The following VSIG8 variants were observed in gnomAD, a reference collection of about 807,000 sequenced individuals.
VSIG8 encodes V-set and immunoglobulin domain containing 8.
Under a neutral mutation model 42.6 loss-of-function variants are expected in VSIG8, and 32 were observed. The ratio of observed to expected loss-of-function variants is 0.75; its 90% CI spans 0.57 to 1.01. The LOEUF (loss-of-function observed/expected upper bound fraction) is 1.01. VSIG8 is among the 50% of genes least tolerant of loss of function. The pLI, the probability that VSIG8 is intolerant of heterozygous loss-of-function variation, is 0.00. For synonymous variants in VSIG8, 290 were observed against 243.8 expected, an observed-to-expected ratio of 1.19 and a Z score of -1.77; for missense variants, 529 against 558.0, an observed-to-expected ratio of 0.95 and a Z score of 0.52.
At chr1:159,858,439 T>A in intron 2 of VSIG8, 148 bp from the exon 3 acceptor site, 1 of 871,914 alleles carries the variant, frequency 1.1e-6, no homozygotes, top group Non-Finnish European at 1.8e-6. Context: ...GCCACTGACC[T>A]CTTACAGAAC....
At chr1:159,858,999 C>A in intron 1 of VSIG8, 87 bp from the exon 2 acceptor site, 1 of 1,415,026 alleles carries the variant, frequency 7.1e-7, no homozygotes, top group South Asian at 1.4e-5. Flanking sequence ...TTCATATTCT[C>A]TGTCCACGGC....
intron 4 of VSIG8, among the ~76,000 whole-genome samples, 171 bp from the exon 5 acceptor site, chr1:159,856,814 TC>T (rs1314466746): frequency 1.3e-5 from 2 of 151,764 alleles, no homozygotes. Flanking sequence ...TGAGTCACCT[TC>T]CCCCTGCTGT....
At position 159,858,831 on chromosome 1, in the gene VSIG8, C is replaced by T. The variant is rs1270438892; in HGVS notation, c.131G>A (p.Cys44Tyr). Reference sequence around the variant, plus strand: ...GTCCTCAGGGTCCAGGACGTAGGGGCAGCCCAGCCTCACATTATCACCTTC... The same window carrying T: ...GTCCTCAGGGTCCAGGACGTAGGGGTAGCCCAGCCTCACATTATCACCTTC... ...LAEGDNVRLG[C>Y]PYVLDPEDYG... is the part of the protein sequence containing the mutation. Residue 44 changes from cysteine (C) to tyrosine (Y), a missense_variant, in exon 2 of 7, where the codon TGC becomes TAC. Coordinates refer to ENST00000368100, the MANE Select transcript of VSIG8 (RefSeq NM_001013661.1). The T allele has an allele frequency of 6.2e-7, 1 of 1,614,110 alleles. No homozygotes were observed. Among genetic ancestry groups the T allele is most frequent in the Admixed American group, 1.7e-5 (1 of 60,024 alleles).
At position 159,855,039 on chromosome 1, in the gene VSIG8, A is replaced by T; in HGVS notation, c.972-13T>A. On this transcript the variant is annotated splice_polypyrimidine_tract_variant and intron_variant, in intron 6 of 6. Transcript: ENST00000368100. ...CACGGCGTCCTCTCTGTGGAAAACA[A>T]CAGGCGGGCGGGTGAGCGGGCTGCT... The T allele has an allele frequency of 6.3e-7, 1 of 1,575,602 alleles. No homozygotes were observed.
chr1:159,855,030 T>C lies in VSIG8; in HGVS notation c.972-4A>G, dbSNP rs777101797. 43 of 1,576,570 alleles carry C rather than the reference T, an allele frequency of 2.7e-5. No homozygotes were observed. Among genetic ancestry groups the C allele is most frequent in the Admixed American group, 1.8e-5 (1 of 55,762 alleles). On this transcript the variant is annotated splice_polypyrimidine_tract_variant and splice_region_variant and intron_variant, in intron 6 of 6. Coordinates refer to ENST00000368100, the MANE Select transcript of VSIG8 (RefSeq NM_001013661.1). The stretch of plus-strand genomic sequence containing the variant: ...CCCGGGCGCCACGGCGTCCTCTCTG[T>C]GGAAAACAACAGGCGGGCGGGTGAG...
At chr1:159,855,148 T>C in intron 6 of VSIG8, 122 bp from the exon 7 acceptor site, 1 of 1,551,648 alleles carries the variant, frequency 6.4e-7, no homozygotes, top group Non-Finnish European at 8.7e-7. Context: ...CCACCTGCCC[T>C]CGTCTCTCTC....
chr1:159,859,755 G>T (rs1433916287), intron 1 of VSIG8, among the ~76,000 whole-genome samples: 1 of 152,142 alleles, frequency 6.6e-6, no homozygotes, highest in Non-Finnish European at 1.5e-5. Context: ...CGTACTGTGT[G>T]TGCTTCCTCT....
At chr1:159,860,182 A>T (rs918081226) in intron 1 of VSIG8, among the ~76,000 whole-genome samples, 1 of 152,056 alleles carries the variant, frequency 6.6e-6, no homozygotes, top group Non-Finnish European at 1.5e-5. Context: ...ACACATAGAG[A>T]TCTCACACAT....
In VSIG8 at chr1:159,862,612, C is replaced by G; in HGVS notation, c.-91G>C. Reference sequence around the variant, plus strand: ...AGGGGGTAGGTGGAGGGAGGGGGAGCTGAGGGCCCAGACACTGCCTGGGGT... The same window carrying G: ...AGGGGGTAGGTGGAGGGAGGGGGAGGTGAGGGCCCAGACACTGCCTGGGGT... On this transcript the variant is annotated 5_prime_UTR_variant, in exon 1 of 7. Transcript: ENST00000368100. The G allele has an allele frequency of 8.1e-7, 1 of 1,228,882 alleles. No homozygotes were observed. Among genetic ancestry groups the G allele is most frequent in the Non-Finnish European group, 1.2e-6 (1 of 858,934 alleles). 76.1% of individuals were successfully genotyped at this position (1,228,882 alleles called of 1,614,324 possible).
At chr1:159,855,105 C>T in intron 6 of VSIG8, 79 bp from the exon 7 acceptor site, 1 of 1,552,536 alleles carries the variant, frequency 6.4e-7, no homozygotes, top group Non-Finnish European at 8.7e-7. Context: ...GAGCCGGGGG[C>T]TCTTGGCAAC....
rs769081898 is a variant in VSIG8 at position 159,854,906 on chromosome 1, G to C, written c.1092C>G (p.Pro364=). Residue 364 remains proline, a synonymous_variant, in exon 7 of 7, where the codon CCC becomes CCG. Transcript: ENST00000368100. ...RSLRRKYAPP[P]CGGPEDVALA... ...GGGCCACGTCCTCGGGGCCGCCGCA[G>C]GGGGGAGGCGCGTACTTGCGGCGCA... 1 of 1,486,556 alleles carries C rather than the reference G, an allele frequency of 6.7e-7. No individual in the cohort carries two copies. The highest frequency in any genetic ancestry group is 1.5e-5 in the African/African-American group (1 of 68,398). 92.1% of individuals were successfully genotyped at this position (1,486,556 alleles called of 1,614,324 possible).
At position 159,857,774 on chromosome 1, in the gene VSIG8, T is replaced by C. The variant is rs372070298; in HGVS notation, c.623A>G (p.Gln208Arg). Residue 208 changes from glutamine (Q) to arginine (R), a missense_variant, in exon 4 of 7, where the codon CAG becomes CGG. Transcript: ENST00000368100. Reference protein sequence around the residue: ...QHSYHSELSYQESFHSSINQG... With the variant: ...QHSYHSELSYRESFHSSINQG... Reference sequence around the variant, plus strand: ...GTTTATGGAGCTGTGGAAGGACTCCTGGTAGGACAGCTCTGAGTGGTAGCT... The same window carrying C: ...GTTTATGGAGCTGTGGAAGGACTCCCGGTAGGACAGCTCTGAGTGGTAGCT... 3.1e-6 allele frequency: 5 copies of C among 1,614,128 alleles called. No homozygotes were observed. The highest frequency in any genetic ancestry group is 4.2e-6 in the Non-Finnish European group (5 of 1,180,002).
rs1571163743 is a variant in VSIG8, at chr1:159,854,444, A to C, written c.*309T>G. 4.7e-5 allele frequency: 15 copies of C among 317,808 alleles called. No individual in the cohort carries two copies. Among genetic ancestry groups the C allele is most frequent in the East Asian group, 2.2e-4 (3 of 13,420 alleles). 19.7% of individuals were successfully genotyped at this position (317,808 alleles called of 1,614,324 possible). On this transcript the variant is annotated 3_prime_UTR_variant, in exon 7 of 7. Coordinates refer to ENST00000368100, the MANE Select transcript of VSIG8 (RefSeq NM_001013661.1). ...GGGGCCCTCTGCTTAGGCTGGGGAC[A>C]CCAGGCCTCCGGCCTCAGCCGCTCT...
At position 159,858,722 on chromosome 1, in the gene VSIG8, C is replaced by T; in HGVS notation, c.228+12G>A. ...AGCCTAGAGGAAGGAGACCCCTGTG[C>T]CCAGCACTCACCACGTTCTCTCGGT... On this transcript the variant is annotated intron_variant, in intron 2 of 6. Coordinates refer to ENST00000368100, the MANE Select transcript of VSIG8 (RefSeq NM_001013661.1). 1.2e-6 allele frequency: 2 copies of T among 1,604,402 alleles called. No homozygotes were observed. Among genetic ancestry groups the T allele is most frequent in the Non-Finnish European group, 1.7e-6 (2 of 1,175,476 alleles).
intron 1 of VSIG8, 54 bp downstream of exon 1, chr1:159,862,419 T>C: frequency 1.3e-6 from 2 of 1,555,376 alleles, no homozygotes; most frequent in Admixed American, 1.9e-5. Context: ...TGCTGCCCCT[T>C]TCCTTCCCAC....
rs1158524284 is a variant in VSIG8, at chr1:159,856,061, T to A, written c.793A>T (p.Ile265Phe). The A allele has an allele frequency of 6.2e-7, 1 of 1,612,226 alleles. No homozygotes were observed. Among genetic ancestry groups the A allele is most frequent in the Admixed American group, 1.7e-5 (1 of 59,932 alleles). The change falls in exon 6 of 7, where the codon ATC (isoleucine) becomes TTC (phenylalanine). Residue 265 changes from isoleucine to phenylalanine, a missense_variant. Ile to Phe is a conservative substitution (Grantham distance 21). Transcript: ENST00000368100. The part of the protein sequence containing the change: ...KVSDSRRIGV[I>F]IGIVLGSLLA... The stretch of plus-strand genomic sequence containing the variant: ...AGAGAGCCCAGGACGATGCCGATGA[T>A]CACGCCTATACGCCGGGAGTCTGTG...
intron 2 of VSIG8, 26 bp downstream of exon 2, chr1:159,858,708 A>C: frequency 6.3e-7 from 1 of 1,583,052 alleles, no homozygotes; most frequent in Non-Finnish European, 8.6e-7. Flanking sequence ...GCCTAGAGGA[A>C]GGAGACCCCT....
rs77362890 is a variant in VSIG8 at position 159,856,495 on chromosome 1, C to T, written c.772+29G>A. ...CCTCCTCCAGTTCAACCCTCCCAACCACCCAGCCCTCAAGACTGCTGCACC... is the reference window on the plus strand; with the variant it reads ...CCTCCTCCAGTTCAACCCTCCCAACTACCCAGCCCTCAAGACTGCTGCACC... On this transcript the variant is annotated intron_variant, in intron 5 of 6. Coordinates refer to ENST00000368100, the MANE Select transcript of VSIG8 (RefSeq NM_001013661.1). 2.3e-3 allele frequency: 3,628 copies of T among 1,611,482 alleles called. 114 individuals carry two copies. The East Asian group carries it at 0.072, about 32-fold the overall frequency.
intron 6 of VSIG8, 87 bp downstream of exon 6, chr1:159,855,796 C>G: frequency 6.9e-6 from 10 of 1,444,324 alleles, no homozygotes; most frequent in Non-Finnish European, 9.0e-6. Flanking sequence ...GGTGGGGGGC[C>G]CAGCCGGCCG....
Sources: allele counts gnomAD v4.1 joint callset (sites outside exome capture counted in the v4.1 genomes callset), GRCh38; gene constraint gnomAD v4.1.1; transcripts MANE v1.5; gene names NCBI Gene and HGNC (gene_info 2026-07-23, HGNC 2026-07-21).